Variants in TSPAN7 observed in about 807,000 individuals in gnomAD.
TSPAN7 encodes the protein tetraspanin-7.
In TSPAN7, 1 loss-of-function variant was observed where a neutral mutation model predicts 17.6. That is an observed-to-expected ratio of 0.06 (90% CI 0.02 to 0.27). The LOEUF (loss-of-function observed/expected upper bound fraction) is 0.27, where lower values mean the gene tolerates loss of function less well. TSPAN7 is among the 10% of genes least tolerant of loss of function. The probability of loss-of-function intolerance (pLI) is 1.00; values close to 1 mark genes in which losing one functional copy is unlikely to be tolerated. For missense variants in TSPAN7, 112 were observed against 201.7 expected (o/e 0.56, Z 2.69); for synonymous variants, 78 against 79.0 (o/e 0.99, Z 0.07).
intron 1 of TSPAN7, among the ~76,000 whole-genome samples, chrX:38,618,045 T>C (rs1157801307): frequency 1.8e-5 from 2 of 111,763 alleles, no homozygotes; most frequent in Non-Finnish European, 3.8e-5. Flanking sequence ...AAGTCGTTGG[T>C]GCAGTGAACA....
At chrX:38,611,718 T>G (rs2069419645) in intron 1 of TSPAN7, among the ~76,000 whole-genome samples, 2 of 112,027 alleles carry the variant, frequency 1.8e-5, no homozygotes, top group Admixed American at 1.9e-4. Flanking sequence ...TAACATAATC[T>G]GTGACCCAAA....
chrX:38,621,463 A>T (rs1317027235), intron 1 of TSPAN7, among the ~76,000 whole-genome samples: 3 of 112,198 alleles, frequency 2.7e-5, no homozygotes, highest in Non-Finnish European at 5.6e-5. Context: ...GGGATTTTTG[A>T]ATAAAATAAC....
At chrX:38,614,989 A>G (rs974683989) in intron 1 of TSPAN7, among the ~76,000 whole-genome samples, 1 of 89,704 alleles carries the variant, frequency 1.1e-5, no homozygotes, top group African/African-American at 3.9e-5. Context: ...TTACAGATTT[A>G]TTCTTTTTTT....
At chrX:38,600,888 G>A (rs1299738545) in intron 1 of TSPAN7, among the ~76,000 whole-genome samples, 3 of 111,953 alleles carry the variant, frequency 2.7e-5, no homozygotes, top group Non-Finnish European at 5.6e-5. Context: ...TTTTGAGAAG[G>A]TGGGAGTGGT....
intron 1 of TSPAN7, among the ~76,000 whole-genome samples, chrX:38,598,051 A>AT (rs982185442): frequency 2.7e-5 from 3 of 111,263 alleles, no homozygotes; most frequent in African/African-American, 9.8e-5. Flanking sequence ...TGTTAAGCTC[A>AT]TTTTTTGTTG....
chrX:38,609,449 A>G (rs2069405208), intron 1 of TSPAN7, among the ~76,000 whole-genome samples: 1 of 111,029 alleles, frequency 9.0e-6, no homozygotes, highest in Non-Finnish European at 1.9e-5. Context: ...ATACTATTTT[A>G]TATTTATCTG....
At chrX:38,611,970 T>G (rs1303384643) in intron 1 of TSPAN7, among the ~76,000 whole-genome samples, 1 of 111,103 alleles carries the variant, frequency 9.0e-6, no homozygotes, top group Non-Finnish European at 1.9e-5. Context: ...TCCAGAGTTA[T>G]GTATGTATCC....
intron 1 of TSPAN7, among the ~76,000 whole-genome samples, chrX:38,573,379 G>T (rs915191563): frequency 9.0e-6 from 1 of 111,507 alleles, no homozygotes; most frequent in African/African-American, 3.3e-5. Flanking sequence ...ATAAATATAA[G>T]TCTGACACTT....
chrX:38,619,085 A>C (rs1255761174), intron 1 of TSPAN7, among the ~76,000 whole-genome samples: 9 of 111,426 alleles, frequency 8.1e-5, no homozygotes, highest in African/African-American at 2.9e-4. Flanking sequence ...AAAATCTCAG[A>C]CAGCCAAGAA....
intron 5 of TSPAN7, 150 bp downstream of exon 5, chrX:38,676,010 A>C (rs1178857427): frequency 1.4e-6 from 1 of 694,501 alleles, no homozygotes; most frequent in East Asian, 3.5e-5. Flanking sequence ...TGGGAGAGGC[A>C]CTTGAGGCTG....
chrX:38,575,338 G>A (rs1365899291), intron 1 of TSPAN7, among the ~76,000 whole-genome samples: 2 of 111,840 alleles, frequency 1.8e-5, no homozygotes, highest in Middle Eastern at 4.2e-3. Flanking sequence ...GTTTTGTTTT[G>A]AGCTTCTACA....
At chrX:38,642,333 A>G (rs368857708) in intron 1 of TSPAN7, among the ~76,000 whole-genome samples, 2 of 111,820 alleles carry the variant, frequency 1.8e-5, no homozygotes, top group East Asian at 5.6e-4. Flanking sequence ...AAAGCCACCC[A>G]ATCTCCCAGT....
At position 38,676,224 on chromosome X, in the gene TSPAN7, G is replaced by A. The variant is rs2069853053; in HGVS notation, c.597+364G>A. Among the ~76,000 whole-genome samples the A allele has an allele frequency of 3.6e-5, 4 of 111,275 alleles. No individual in the cohort carries two copies. In the Admixed American group the frequency reaches 3.8e-4, roughly 11 times the overall value. The stretch of plus-strand genomic sequence containing the variant: ...CCATCTAAACATGAAATTGTTTGCA[G>A]CTGGGTGTCAGTTTTTGACAGCAAG... On this transcript the variant is annotated intron_variant, in intron 5 of 7. Transcript: ENST00000378482.
chrX:38,591,201 C>A (rs1213514864), intron 1 of TSPAN7, among the ~76,000 whole-genome samples: 2 of 111,229 alleles, frequency 1.8e-5, no homozygotes, highest in African/African-American at 6.5e-5. Context: ...GTTTTAGCTG[C>A]ATCCCAAAAT....
intron 1 of TSPAN7, among the ~76,000 whole-genome samples, chrX:38,652,830 G>A (rs1032990045): frequency 8.9e-6 from 1 of 112,060 alleles, no homozygotes; most frequent in Non-Finnish European, 1.9e-5. Context: ...AAGAAACCTC[G>A]CTGTGGAAAT....
intron 1 of TSPAN7, among the ~76,000 whole-genome samples, chrX:38,636,690 T>C (rs1232283255): frequency 9.1e-6 from 1 of 110,341 alleles, no homozygotes; most frequent in African/African-American, 3.3e-5. Context: ...CTTTTTTTTT[T>C]AGTCAGACAG....
chrX:38,580,069 G>A, intron 1 of TSPAN7, among the ~76,000 whole-genome samples: 1 of 112,276 alleles, frequency 8.9e-6, no homozygotes, highest in Non-Finnish European at 1.9e-5. Flanking sequence ...GACAGACCTG[G>A]CTTTAGTTTA....
intron 1 of TSPAN7, among the ~76,000 whole-genome samples, chrX:38,584,857 A>G (rs1452582468): frequency 1.8e-5 from 2 of 111,428 alleles, no homozygotes; most frequent in Non-Finnish European, 3.8e-5. Flanking sequence ...CTTATTTACC[A>G]TCTCCTTGAT....
intron 1 of TSPAN7, among the ~76,000 whole-genome samples, chrX:38,659,050 A>G (rs759454822): frequency 1.5e-5 from 1 of 67,028 alleles, no homozygotes; most frequent in East Asian, 6.4e-4. Flanking sequence ...CCACAGACGT[A>G]CACATGTATA....
Sources: gnomAD v4.1 joint callset for allele counts (sites outside exome capture counted in the v4.1 genomes callset) on GRCh38, gnomAD v4.1.1 for gene constraint, MANE v1.5 for transcripts, NCBI Gene and HGNC (gene_info 2026-07-23, HGNC 2026-07-21) for gene names.